The following ZFYVE28 variants were observed in gnomAD, a reference collection of about 807,000 sequenced individuals.
ZFYVE28 encodes the protein zinc finger FYVE-type containing 28.
In ZFYVE28, 40 loss-of-function variants were observed where a neutral mutation model predicts 82.1. The ratio of observed to expected loss-of-function variants is 0.49; its 90% CI spans 0.38 to 0.63. The LOEUF is 0.63. Among genes scored for constraint, ZFYVE28 ranks in the 30% least tolerant of loss-of-function variants. The pLI, the probability that ZFYVE28 is intolerant of heterozygous loss-of-function variation, is 0.00. For synonymous variants in ZFYVE28, 612 were observed against 546.1 expected (o/e 1.12, Z -1.68); for missense variants, 1,321 against 1,242.1 (o/e 1.06, Z -0.96).
Position 2,417,577 on chromosome 4 carries a change from T to C in ZFYVE28, c.39+708A>G, listed in dbSNP as rs1436949773. Among the ~76,000 whole-genome samples, 1 of 151,788 alleles carries C rather than the reference T, an allele frequency of 6.6e-6. No individual in the cohort carries two copies. The highest frequency in any genetic ancestry group is 1.9e-4 in the East Asian group (1 of 5,154). On this transcript the variant is annotated intron_variant, in intron 1 of 12. Coordinates refer to ENST00000290974, the MANE Select transcript of ZFYVE28 (RefSeq NM_020972.3). This position sits in a 1 kb window ranked among gnomAD's most constrained non-coding sequence, Gnocchi z 4.8. ...CCCCAAGGGCCGGGCGGAGGACCTG[T>C]CCCGGATTCCAGAGGACGTGGGTGG...
At chr4:2,295,359 C>T (rs540949818) in intron 8 of ZFYVE28, among the ~76,000 whole-genome samples, 13 of 151,142 alleles carry the variant, frequency 8.6e-5, no homozygotes, top group East Asian at 3.9e-4. Context: ...TTAGTAAAGA[C>T]GGGGTTTTAC....
At chr4:2,331,346 T>C (rs1720676971) in intron 6 of ZFYVE28, among the ~76,000 whole-genome samples, 1 of 151,772 alleles carries the variant, frequency 6.6e-6, no homozygotes, top group Non-Finnish European at 1.5e-5. Flanking sequence ...TTAAAGGAAC[T>C]GTTTTAAGGC....
intron 6 of ZFYVE28, chr4:2,328,924 C>G (rs1173810307): frequency 1.9e-5 from 8 of 413,828 alleles, no homozygotes; most frequent in Non-Finnish European, 3.0e-5. Flanking sequence ...TGTCAATAAT[C>G]AGTTCACCAT....
In ZFYVE28 at chr4:2,418,644, A is replaced by G. The variant is rs1733400006; in HGVS notation, c.-321T>C. 6.7e-6 allele frequency: 1 copy of G among 148,304 alleles called. No individual in the cohort carries two copies. Among genetic ancestry groups the G allele is most frequent in the Non-Finnish European group, 1.5e-5 (1 of 66,870 alleles). 9.2% of individuals were successfully genotyped at this position (148,304 alleles called of 1,614,324 possible). A position where few individuals can be genotyped will look rare whatever the true frequency, so the allele number is the denominator to read the frequency against. ...ACTGACACCCAGCGCTCCGCTGGTC[A>G]CGGCCGCCCCGCGCCGCACATGCGC... is the stretch of plus-strand genomic sequence containing the variant. On this transcript the variant is annotated 5_prime_UTR_variant, in exon 1 of 13. Coordinates refer to ENST00000290974, the MANE Select transcript of ZFYVE28 (RefSeq NM_020972.3). The surrounding 1 kb of genome is among the most constrained non-coding windows in gnomAD (Gnocchi z 4.6).
At chr4:2,273,112 C>A in intron 10 of ZFYVE28, 61 bp downstream of exon 10, 1 of 1,400,518 alleles carries the variant, frequency 7.1e-7, no homozygotes, top group Non-Finnish European at 9.9e-7. Flanking sequence ...GCACCCCTCC[C>A]TGTGGGCAGG....
intron 8 of ZFYVE28, among the ~76,000 whole-genome samples, chr4:2,303,989 G>T (rs1402842065): frequency 3.3e-5 from 5 of 152,240 alleles, no homozygotes; most frequent in Non-Finnish European, 5.9e-5. Flanking sequence ...CGGCAGGTGA[G>T]CTGAGGGCTT....
intron 1 of ZFYVE28, among the ~76,000 whole-genome samples, chr4:2,357,413 G>A (rs979310885): frequency 3.3e-5 from 5 of 152,186 alleles, no homozygotes; most frequent in Non-Finnish European, 5.9e-5. Flanking sequence ...AACCAGGAGG[G>A]AGCATGGCCC....
intron 8 of ZFYVE28, among the ~76,000 whole-genome samples, chr4:2,292,357 G>A (rs570142557): frequency 2.2e-4 from 33 of 152,306 alleles, no homozygotes; most frequent in Admixed American, 5.2e-4. Flanking sequence ...GGGACAGGGA[G>A]GGAGGCCACA....
chr4:2,271,479 C>A, intron 11 of ZFYVE28, 65 bp from the exon 12 acceptor site: 1 of 1,549,564 alleles, frequency 6.5e-7, no homozygotes, highest in Admixed American at 1.7e-5. Context: ...CCGGGACCCT[C>A]AACCTACCCT....
At position 2,273,070 on chromosome 4, in the gene ZFYVE28, T is replaced by C. The variant is rs1736059700; in HGVS notation, c.2323+103A>G. On this transcript the variant is annotated intron_variant, in intron 10 of 12. Transcript: ENST00000290974. The stretch of plus-strand genomic sequence containing the variant: ...CGACGATTGCTTGGTCGGGACCCTA[T>C]CTCCCCAGGGCCAGAAGGTGTGGAT... The C allele has an allele frequency of 6.3e-6, 6 of 950,236 alleles. No individual in the cohort carries two copies. In the South Asian group the frequency reaches 7.8e-5, roughly 12 times the overall value. 58.9% of individuals were successfully genotyped at this position (950,236 alleles called of 1,614,324 possible).
intron 8 of ZFYVE28, among the ~76,000 whole-genome samples, chr4:2,299,453 T>C (rs1345302696): frequency 9.3e-5 from 14 of 150,226 alleles, no homozygotes; most frequent in Admixed American, 8.7e-4. Flanking sequence ...TAAGGACCAA[T>C]TCTAAAGAAA....
chr4:2,405,502 G>C (rs1344335379), intron 1 of ZFYVE28, among the ~76,000 whole-genome samples: 1 of 152,252 alleles, frequency 6.6e-6, no homozygotes, highest in Non-Finnish European at 1.5e-5. Context: ...ATTCCCTGCA[G>C]TGCCCCGCTC....
intron 1 of ZFYVE28, among the ~76,000 whole-genome samples, chr4:2,384,135 T>C (rs948625432): frequency 7.9e-5 from 12 of 152,168 alleles, no homozygotes; most frequent in Admixed American, 3.3e-4. Flanking sequence ...TCCCACATTC[T>C]ACCCACAGGG....
intron 1 of ZFYVE28, among the ~76,000 whole-genome samples, chr4:2,387,784 G>A (rs554688760): frequency 2.6e-5 from 4 of 152,356 alleles, no homozygotes; most frequent in African/African-American, 9.6e-5. Flanking sequence ...ACGGGCTGTG[G>A]CATCAGGGAT....
At chr4:2,370,725 C>A (rs748464732) in intron 1 of ZFYVE28, among the ~76,000 whole-genome samples, 5 of 152,196 alleles carry the variant, frequency 3.3e-5, no homozygotes, top group Non-Finnish European at 7.3e-5. Context: ...GCTCCCCGGA[C>A]GTGGCAAGGC....
At chr4:2,360,335 A>G (rs1211377890) in intron 1 of ZFYVE28, among the ~76,000 whole-genome samples, 1 of 151,854 alleles carries the variant, frequency 6.6e-6, no homozygotes, top group African/African-American at 2.4e-5. Flanking sequence ...TAAATTAAAG[A>G]CCTTAAAACC....
intron 8 of ZFYVE28, among the ~76,000 whole-genome samples, chr4:2,302,556 A>G (rs879373099): frequency 2.6e-5 from 4 of 152,268 alleles, no homozygotes; most frequent in African/African-American, 4.8e-5. Context: ...GCCACGTTAG[A>G]AAGTAGTCTG....
chr4:2,397,338 CGT>C (rs1232932823), intron 1 of ZFYVE28, among the ~76,000 whole-genome samples: 2 of 151,986 alleles, frequency 1.3e-5, no homozygotes, highest in African/African-American at 4.8e-5. Context: ...ATTAGCCTTA[CGT>C]GGCGGCACGT....
intron 7 of ZFYVE28, among the ~76,000 whole-genome samples, chr4:2,314,815 G>A (rs1159365362): frequency 6.6e-6 from 1 of 152,130 alleles, no homozygotes; most frequent in Admixed American, 6.5e-5. Context: ...GGGCCTCACT[G>A]TCATCCAAGC....
Sources: gnomAD v4.1 joint callset for allele counts (sites outside exome capture counted in the v4.1 genomes callset) on GRCh38, gnomAD v4.1.1 for gene constraint, Gnocchi (gnomAD v3.1) non-coding constraint, MANE v1.5 for transcripts, NCBI Gene and HGNC (gene_info 2026-07-23, HGNC 2026-07-21) for gene names.